The following DGKI variants were observed in gnomAD, a reference collection of about 807,000 sequenced individuals.
DGKI encodes diacylglycerol kinase iota.
In DGKI, 55 loss-of-function variants were observed where a neutral mutation model predicts 147.5. That is an observed-to-expected ratio of 0.37 (90% CI 0.30 to 0.47). DGKI has a LOEUF of 0.47. Among genes scored for constraint, DGKI ranks in the 20% least tolerant of loss-of-function variants. The probability of loss-of-function intolerance (pLI) is 1.00; values close to 1 mark genes in which losing one functional copy is unlikely to be tolerated. For missense variants in DGKI, 1,007 were observed against 1,323.8 expected (o/e 0.76, Z 3.71); for synonymous variants, 469 against 477.1 (o/e 0.98, Z 0.22).
chr7:137,767,004 G>A (rs1313843442), intron 1 of DGKI, among the ~76,000 whole-genome samples: 1 of 152,148 alleles, frequency 6.6e-6, no homozygotes, highest in Non-Finnish European at 1.5e-5. Flanking sequence ...CTGCAGTGGG[G>A]GGCCACTACC....
intron 23 of DGKI, among the ~76,000 whole-genome samples, chr7:137,473,017 T>G (rs931416440): frequency 6.6e-6 from 1 of 152,110 alleles, no homozygotes; most frequent in African/African-American, 2.4e-5. Flanking sequence ...GAAAATTGGA[T>G]GTTATTTAGT....
chr7:137,674,822 C>T (rs988082701), intron 3 of DGKI, among the ~76,000 whole-genome samples: 5 of 152,154 alleles, frequency 3.3e-5, no homozygotes, highest in African/African-American at 7.2e-5. Context: ...ATGAAGCTGC[C>T]TCTGTCTGCT....
chr7:137,743,945 T>C (rs1795251030), intron 1 of DGKI, among the ~76,000 whole-genome samples: 2 of 147,056 alleles, frequency 1.4e-5, no homozygotes, highest in Admixed American at 1.4e-4. Flanking sequence ...ATAGCACCAC[T>C]GCACTCCAGC....
At chr7:137,755,620 C>G (rs1393023955) in intron 1 of DGKI, among the ~76,000 whole-genome samples, 1 of 152,172 alleles carries the variant, frequency 6.6e-6, no homozygotes, top group East Asian at 1.9e-4. Context: ...AACTGCCAAT[C>G]CCCCAAGGGA....
chr7:137,516,705 A>G (rs1354927173), intron 21 of DGKI, among the ~76,000 whole-genome samples: 1 of 152,076 alleles, frequency 6.6e-6, no homozygotes, highest in Non-Finnish European at 1.5e-5. Context: ...AATGACTAAC[A>G]TCTAGTGTGG....
chr7:137,502,671 T>C (rs889547948), intron 21 of DGKI, among the ~76,000 whole-genome samples: 3 of 152,176 alleles, frequency 2.0e-5, no homozygotes, highest in Admixed American at 1.3e-4. Flanking sequence ...GATGTCATTA[T>C]TTCTATTTTT....
chr7:137,427,472 A>C (rs1037477498), intron 28 of DGKI, among the ~76,000 whole-genome samples: 1 of 152,112 alleles, frequency 6.6e-6, no homozygotes, highest in Non-Finnish European at 1.5e-5. Context: ...TTGACACCCT[A>C]ACATCACAAT....
intron 28 of DGKI, among the ~76,000 whole-genome samples, chr7:137,428,081 G>A (rs953743752): frequency 4.8e-5 from 7 of 146,342 alleles, no homozygotes; most frequent in Admixed American, 2.8e-4. Context: ...TACCAAAGCC[G>A]GGCAGAGACA....
rs556745980 is a variant in DGKI at position 137,434,718 on chromosome 7, G to C, written c.2761+9359C>G. ...ACCAGAACAATCAAAAGGATTACAT[G>C]GTTACAATCAATAGTGAGATTTAGT... On this transcript the variant is annotated intron_variant, in intron 28 of 32. Transcript: ENST00000614521. 2.0e-5 allele frequency among the ~76,000 whole-genome samples: 3 copies of C among 151,600 alleles called. No individual in the cohort carries two copies. The South Asian group carries it at 6.2e-4, about 31-fold the overall frequency.
chr7:137,579,436 T>TAAAAAAAA (rs71533758), intron 15 of DGKI, among the ~76,000 whole-genome samples: 1 of 108,198 alleles, frequency 9.2e-6, no homozygotes, highest in African/African-American at 3.1e-5. Flanking sequence ...ACAGAAACAG[T>TAAAAAAAA]AAAAAAAAAA....
At chr7:137,801,470 G>A (rs573426938) in intron 1 of DGKI, among the ~76,000 whole-genome samples, 2 of 152,186 alleles carry the variant, frequency 1.3e-5, no homozygotes, top group Non-Finnish European at 2.9e-5. Context: ...ATTAGATGTA[G>A]GACCAGAAAG....
intron 2 of DGKI, among the ~76,000 whole-genome samples, chr7:137,684,276 A>C (rs2116424252): frequency 6.6e-6 from 1 of 152,362 alleles, no homozygotes; most frequent in East Asian, 1.9e-4. Context: ...AATTCACAGC[A>C]GATTTTGAAG....
At chr7:137,653,103 GGTGT>G (rs916760284) in intron 5 of DGKI, among the ~76,000 whole-genome samples, 14 of 151,614 alleles carry the variant, frequency 9.2e-5, no homozygotes, top group African/African-American at 1.2e-4. Flanking sequence ...CAGTTTTTCA[GGTGT>G]GTGTGTGTGT....
At chr7:137,709,027 G>A (rs939535787) in intron 1 of DGKI, among the ~76,000 whole-genome samples, 1 of 152,162 alleles carries the variant, frequency 6.6e-6, no homozygotes, top group Non-Finnish European at 1.5e-5. Flanking sequence ...CAGATTCAAC[G>A]CATTAACTTT....
rs977371407 is a variant in DGKI at position 137,515,934 on chromosome 7, C to T, written c.2248+5932G>A. Among the ~76,000 whole-genome samples the T allele has an allele frequency of 3.3e-5, 5 of 151,864 alleles. No individual in the cohort carries two copies. The East Asian group carries it at 5.8e-4, about 18-fold the overall frequency. ...ACGAAACTCTGGGTAAATGTCAAATCGTGAAAATAGGAATAAACATAAACA... is the reference window on the plus strand; with the variant it reads ...ACGAAACTCTGGGTAAATGTCAAATTGTGAAAATAGGAATAAACATAAACA... On this transcript the variant is annotated intron_variant, in intron 21 of 32. Coordinates refer to ENST00000614521, the MANE Select transcript of DGKI (RefSeq NM_001321708.2).
chr7:137,837,665 G>A (rs1467735294), intron 1 of DGKI, among the ~76,000 whole-genome samples: 1 of 152,200 alleles, frequency 6.6e-6, no homozygotes, highest in Non-Finnish European at 1.5e-5. Flanking sequence ...ACCATGAGAA[G>A]AGAGCTGTCT....
chr7:137,635,248 C>T (rs1366159031), intron 6 of DGKI, among the ~76,000 whole-genome samples: 2 of 152,136 alleles, frequency 1.3e-5, no homozygotes, highest in African/African-American at 4.8e-5. Flanking sequence ...GGTGGCCAGT[C>T]ACCAAAACTG....
chr7:137,535,624 A>G (rs1327796996), intron 20 of DGKI, among the ~76,000 whole-genome samples: 2 of 152,156 alleles, frequency 1.3e-5, no homozygotes, highest in Non-Finnish European at 2.9e-5. Context: ...TATCCGCTGC[A>G]CTTTTGAAGT....
At chr7:137,495,032 C>T (rs77457601) in intron 21 of DGKI, among the ~76,000 whole-genome samples, 10,359 of 151,896 alleles carry the variant, frequency 0.068, 903 homozygotes, top group African/African-American at 0.19. Flanking sequence ...TAAACCATCA[C>T]AGATCAAAAA....
Sources: gnomAD v4.1 joint callset for allele counts (sites outside exome capture counted in the v4.1 genomes callset) on GRCh38, gnomAD v4.1.1 for gene constraint, MANE v1.5 for transcripts, NCBI Gene and HGNC (gene_info 2026-07-23, HGNC 2026-07-21) for gene names.